Variants in HARBI1 observed in about 807,000 individuals in gnomAD.
The protein encoded by HARBI1 is harbinger transposase derived 1.
HARBI1 carries 15 observed loss-of-function variants against 25.3 expected under a neutral mutation model. The observed-to-expected ratio is 0.59, with a 90% CI of 0.40 to 0.91. The LOEUF (loss-of-function observed/expected upper bound fraction) is 0.91. HARBI1 is among the 40% of genes least tolerant of loss of function. The probability of loss-of-function intolerance (pLI) is 0.00; values close to 1 mark genes in which losing one functional copy is unlikely to be tolerated. For missense variants in HARBI1, 396 were observed against 445.8 expected (o/e 0.89, Z 1.01); for synonymous variants, 168 against 160.5 (o/e 1.05, Z -0.35).
intron 2 of HARBI1, among the ~76,000 whole-genome samples, chr11:46,614,719 T>A (rs2045310100): frequency 6.6e-6 from 1 of 152,230 alleles, no homozygotes; most frequent in Admixed American, 6.5e-5. Flanking sequence ...GAATTACAAT[T>A]ACCAGTTGTA....
upstream of HARBI1, chr11:46,617,619 G>A (rs2045718497): frequency 5.2e-6 from 2 of 384,860 alleles, no homozygotes; most frequent in East Asian, 3.7e-5. Context: ...CCGGCTGCTG[G>A]GCTTAAGGCG....
chr11:46,613,843 T>C (rs2045278993), intron 2 of HARBI1, among the ~76,000 whole-genome samples: 1 of 151,866 alleles, frequency 6.6e-6, no homozygotes, highest in African/African-American at 2.4e-5. Flanking sequence ...TATATTATTA[T>C]TACTTTTCTG....
At position 46,616,321 on chromosome 11, in the gene HARBI1, A is replaced by G; in HGVS notation, c.-84T>C. ...GTTGGTGCAAGAACGTATTTTTAAG[A>G]AAGTATCAGAATCCAACAGCTAACC... is the stretch of plus-strand genomic sequence containing the variant. On this transcript the variant is annotated 5_prime_UTR_variant, in exon 2 of 3. Coordinates refer to ENST00000326737, the MANE Select transcript of HARBI1 (RefSeq NM_173811.4). 2 of 1,513,296 alleles carry G rather than the reference A, an allele frequency of 1.3e-6. No homozygotes were observed. The highest frequency in any genetic ancestry group is 2.1e-5 in the Admixed American group (1 of 46,512). 93.7% of individuals were successfully genotyped at this position (1,513,296 alleles called of 1,614,324 possible).
upstream of HARBI1, chr11:46,617,610 C>T: frequency 3.0e-6 from 1 of 330,876 alleles, no homozygotes; most frequent in Admixed American, 4.9e-5. Flanking sequence ...GGGAAGCGAC[C>T]GGCTGCTGGG....
intron 2 of HARBI1, among the ~76,000 whole-genome samples, chr11:46,609,215 T>C (rs931836888): frequency 6.6e-6 from 1 of 151,890 alleles, no homozygotes; most frequent in Non-Finnish European, 1.5e-5. Flanking sequence ...TGGCTAAAAT[T>C]AGCACCAGGC....
chr11:46,609,254 G>A (rs1426067655), intron 2 of HARBI1, among the ~76,000 whole-genome samples: 1 of 151,288 alleles, frequency 6.6e-6, no homozygotes, highest in African/African-American at 2.4e-5. Flanking sequence ...TAGAGATGGG[G>A]TTTCACCATC....
At chr11:46,607,352 A>G (rs2044995958) in intron 2 of HARBI1, among the ~76,000 whole-genome samples, 1 of 152,206 alleles carries the variant, frequency 6.6e-6, no homozygotes, top group Non-Finnish European at 1.5e-5. Flanking sequence ...GAGAAGATCA[A>G]AGTATATGTT....
intron 2 of HARBI1, among the ~76,000 whole-genome samples, chr11:46,609,582 G>C (rs1016451419): frequency 1.7e-5 from 1 of 57,840 alleles, no homozygotes; most frequent in African/African-American, 5.6e-4. Context: ...CTGACCTCAA[G>C]TGATCCACAG....
intron 2 of HARBI1, among the ~76,000 whole-genome samples, chr11:46,608,242 G>A (rs1470953857): frequency 1.3e-5 from 2 of 152,148 alleles, no homozygotes; most frequent in African/African-American, 2.4e-5. Flanking sequence ...AGGTTGCAGT[G>A]AGCTGAGATC....
intron 2 of HARBI1, among the ~76,000 whole-genome samples, chr11:46,606,345 C>T (rs1340164614): frequency 1.3e-5 from 2 of 151,158 alleles, no homozygotes; most frequent in African/African-American, 4.9e-5. Flanking sequence ...CGGAGCCTCA[C>T]TCTGTCGCCC....
chr11:46,613,721 G>A (rs1048403645), intron 2 of HARBI1, among the ~76,000 whole-genome samples: 1 of 152,108 alleles, frequency 6.6e-6, no homozygotes, highest in African/African-American at 2.4e-5. Flanking sequence ...GACCTCAGGT[G>A]ATACACCCTC....
chr11:46,616,964 G>A (rs934140229), intron 1 of HARBI1, 160 bp downstream of exon 1: 3 of 985,022 alleles, frequency 3.0e-6, no homozygotes, highest in Admixed American at 1.2e-4. Flanking sequence ...CTGAGGGCCA[G>A]GAAGTACGGA....
chr11:46,610,341 T>A (rs1030126739), intron 2 of HARBI1, among the ~76,000 whole-genome samples: 3 of 143,842 alleles, frequency 2.1e-5, no homozygotes, highest in African/African-American at 8.2e-5. Context: ...TGTGTGTATG[T>A]ATATAATATA....
chr11:46,613,230 C>G (rs1231444521), intron 2 of HARBI1, among the ~76,000 whole-genome samples: 1 of 151,964 alleles, frequency 6.6e-6, no homozygotes, highest in Non-Finnish European at 1.5e-5. Context: ...AGGTGATCCA[C>G]CGCCTTGGTC....
At chr11:46,608,613 TA>T (rs869222318) in intron 2 of HARBI1, among the ~76,000 whole-genome samples, 24 of 149,982 alleles carry the variant, frequency 1.6e-4, no homozygotes, top group South Asian at 4.2e-4. Flanking sequence ...GCCTGGCAAT[TA>T]AAAAAAAAAT....
rs527494685 is a variant in HARBI1 at position 46,608,299 on chromosome 11, A to AAAC, written c.671-4393_671-4391dup. Among the ~76,000 whole-genome samples the AAAC allele has an allele frequency of 1.9e-3, 292 of 151,970 alleles. 3 individuals carry two copies. The East Asian group carries it at 0.036, about 19-fold the overall frequency. ...GGCAACAAGAGCGAAACTCCATCTC[A>AAAC]AACAACAACAACAACAACAACAACA... On this transcript the variant is annotated intron_variant, in intron 2 of 2. Transcript: ENST00000326737.
chr11:46,617,175 T>TGGG lies in HARBI1; in HGVS notation c.-197_-196insCCC. ...CACACTTCCCACCCACCCAGCCGGG[T>TGGG]TGGGCCCTCCTCCGGAACCGGCGAC... On this transcript the variant is annotated 5_prime_UTR_variant, in exon 1 of 3. Transcript: ENST00000326737. The TGGG allele has an allele frequency of 4.6e-6, 1 of 218,022 alleles. No homozygotes were observed. The highest frequency in any genetic ancestry group is 7.8e-6 in the Non-Finnish European group (1 of 128,364). 13.5% of individuals were successfully genotyped at this position (218,022 alleles called of 1,614,324 possible).
Position 46,615,810 on chromosome 11 carries a change from C to G in HARBI1, c.428G>C (p.Gly143Ala). 1 of 1,614,184 alleles carries G rather than the reference C, an allele frequency of 6.2e-7. No individual in the cohort carries two copies. ...DEFYGLAGMP[G>A]VMGVVDCIHV... Reference sequence around the variant, plus strand: ...GATACAGTCAACCACCCCCATCACCCCTGGCATCCCTGCCAACCCATAGAA... The same window carrying G: ...GATACAGTCAACCACCCCCATCACCGCTGGCATCCCTGCCAACCCATAGAA... The change falls in exon 2 of 3, where the codon GGG becomes GCG. Residue 143 changes from glycine to alanine, a missense_variant. Coordinates refer to ENST00000326737, the MANE Select transcript of HARBI1 (RefSeq NM_173811.4).
At position 46,615,809 on chromosome 11, in the gene HARBI1, C is replaced by T; in HGVS notation, c.429G>A (p.Gly143=). Residue 143 remains glycine (G), a synonymous_variant, in exon 2 of 3, where the codon GGG becomes GGA. Coordinates refer to ENST00000326737, the MANE Select transcript of HARBI1 (RefSeq NM_173811.4). The part of the protein sequence containing the change: ...DEFYGLAGMP[G]VMGVVDCIHV... The stretch of plus-strand genomic sequence containing the variant: ...GGATACAGTCAACCACCCCCATCAC[C>T]CCTGGCATCCCTGCCAACCCATAGA... 1 of 1,614,176 alleles carries T rather than the reference C, an allele frequency of 6.2e-7. No homozygotes were observed. Among genetic ancestry groups the T allele is most frequent in the Non-Finnish European group, 8.5e-7 (1 of 1,180,034 alleles).
Sources: gnomAD v4.1 joint callset for allele counts (sites outside exome capture counted in the v4.1 genomes callset) on GRCh38, gnomAD v4.1.1 for gene constraint, MANE v1.5 for transcripts, NCBI Gene and HGNC (gene_info 2026-07-23, HGNC 2026-07-21) for gene names.